IPO9: variants seen among roughly 807,000 people sequenced by gnomAD.
IPO9 encodes importin-9.
IPO9 carries 28 observed loss-of-function variants against 128.6 expected under a neutral mutation model. The observed-to-expected ratio is 0.22, with a 90% confidence interval of 0.16 to 0.30. The LOEUF is 0.30. IPO9 is among the 10% of genes least tolerant of loss of function. The pLI is 1.00. For synonymous variants in IPO9, 455 were observed against 475.8 expected (o/e 0.96, Z 0.57); for missense variants, 935 against 1,293.9 (o/e 0.72, Z 4.26).
In IPO9 at chr1:201,881,824, C is replaced by G. The variant is rs1303719116; in HGVS notation, c.*5770C>G. ...GCTACAGCAGTCCAGGTGGGAAAAC[C>G]CAGAGCCTGAACTAAGGTTGTAACT... On this transcript the variant is annotated 3_prime_UTR_variant, in exon 24 of 24. Coordinates refer to ENST00000361565, the MANE Select transcript of IPO9 (RefSeq NM_018085.5). The G allele has an allele frequency of 6.6e-6, 1 of 152,176 alleles. No individual in the cohort carries two copies. Among genetic ancestry groups the G allele is most frequent in the African/African-American group, 2.4e-5 (1 of 41,408 alleles). The allele number at this position is 152,176 out of a possible 1,614,324, so 9.4% of individuals were successfully genotyped here.
intron 11 of IPO9, among the ~76,000 whole-genome samples, chr1:201,857,605 G>A (rs1381188370): frequency 6.6e-6 from 1 of 152,122 alleles, no homozygotes; most frequent in Non-Finnish European, 1.5e-5. Context: ...AGACTAGCCT[G>A]ACCAACATGG....
intron 1 of IPO9, among the ~76,000 whole-genome samples, chr1:201,832,832 C>G (rs1558214275): frequency 1.3e-5 from 2 of 152,166 alleles, no homozygotes; most frequent in Non-Finnish European, 2.9e-5. Flanking sequence ...CCTTGGCTAC[C>G]AGGTGATGAT....
Position 201,870,280 on chromosome 1 carries a change from A to G in IPO9, c.2134-303A>G, listed in dbSNP as rs1680622936. 6.6e-6 allele frequency among the ~76,000 whole-genome samples: 1 copy of G among 152,224 alleles called. No individual in the cohort carries two copies. The highest frequency in any genetic ancestry group is 1.5e-5 in the Non-Finnish European group (1 of 68,038). On this transcript the variant is annotated intron_variant, in intron 17 of 23. Transcript: ENST00000361565. This position sits in a 1 kb window ranked among gnomAD's most constrained non-coding sequence, Gnocchi z 4.9. Reference sequence around the variant, plus strand: ...TCCAAGATTGTAAGCATATTTTTTTAGTACCAGAGGTAGACCTTTATGATT... The same window carrying G: ...TCCAAGATTGTAAGCATATTTTTTTGGTACCAGAGGTAGACCTTTATGATT...
rs747275177 is a variant in IPO9, at chr1:201,855,780, C to T, written c.971-3C>T. 1.9e-6 allele frequency: 3 copies of T among 1,605,934 alleles called. No homozygotes were observed. The highest frequency in any genetic ancestry group is 1.3e-5 in the African/African-American group (1 of 74,398). On this transcript the variant is annotated splice_polypyrimidine_tract_variant and splice_region_variant and intron_variant, in intron 9 of 23. Coordinates refer to ENST00000361565, the MANE Select transcript of IPO9 (RefSeq NM_018085.5). ...AATTTCTTCTCTTCTGTATTTCCTG[C>T]AGGTGAAGTCCTGGGCTTTGAAAAT...
chr1:201,829,360 G>T lies in IPO9; in HGVS notation c.151G>T (p.Glu51Ter). ...TGCTGAAGAACAGATTAAGGTGCTG[G>T]AGGTGACGGAGGGTGAGTGAGGCGG... is the stretch of plus-strand genomic sequence containing the variant. ...AAAEEQIKVL[E>*]VTEEFGVHLA... The change falls in exon 1 of 24, where the codon GAG (glutamate) becomes TAG (stop). Residue 51 changes from glutamate to a stop codon, truncating the protein, a stop_gained. Transcript: ENST00000361565. LOFTEE classifies it high-confidence loss of function. 1 of 1,574,976 alleles carries T rather than the reference G, an allele frequency of 6.3e-7. No individual in the cohort carries two copies. The highest frequency in any genetic ancestry group is 2.4e-5 in the East Asian group (1 of 42,234).
At position 201,876,357 on chromosome 1, in the gene IPO9, A is replaced by T; in HGVS notation, c.*303A>T. 2 of 483,830 alleles carry T rather than the reference A, an allele frequency of 4.1e-6. No homozygotes were observed. Among genetic ancestry groups the T allele is most frequent in the Non-Finnish European group, 7.6e-6 (2 of 261,746 alleles). 30.0% of individuals were successfully genotyped at this position (483,830 alleles called of 1,614,324 possible). ...GCCCTCTGCTGGCGAGTCCAGAAAC[A>T]TTATTGCCCAGAAGGATTATGTGTT... On this transcript the variant is annotated 3_prime_UTR_variant, in exon 24 of 24. Transcript: ENST00000361565.
rs1393825753 is a variant in IPO9 at position 201,877,255 on chromosome 1, CT to C, written c.*1204del. On this transcript the variant is annotated 3_prime_UTR_variant, in exon 24 of 24. Coordinates refer to ENST00000361565, the MANE Select transcript of IPO9 (RefSeq NM_018085.5). ...GTGGCTAACGCCTGTAATCCTAGCACTTTGGGAGGCTGAGATGGGCGGATCA... is the reference window on the plus strand; with the variant it reads ...GTGGCTAACGCCTGTAATCCTAGCACTTGGGAGGCTGAGATGGGCGGATCA... 1 of 152,102 alleles carries C rather than the reference CT, an allele frequency of 6.6e-6. No homozygotes were observed. The highest frequency in any genetic ancestry group is 1.9e-4 in the East Asian group (1 of 5,188). The allele number at this position is 152,102 out of a possible 1,614,324, so 9.4% of individuals were successfully genotyped here.
chr1:201,855,230 G>A, intron 9 of IPO9, 48 bp downstream of exon 9: 2 of 1,251,322 alleles, frequency 1.6e-6, no homozygotes, highest in Admixed American at 1.8e-5. Flanking sequence ...AGTGGGAAAA[G>A]AAAAAGAAGC....
intron 15 of IPO9, 117 bp downstream of exon 15, chr1:201,867,076 C>A: frequency 2.4e-6 from 2 of 818,180 alleles, no homozygotes; most frequent in East Asian, 2.6e-5. Flanking sequence ...GTTTTAACAT[C>A]GTAAGCAAAG....
At chr1:201,857,258 T>G in intron 11 of IPO9, 64 bp downstream of exon 11, 1 of 1,130,090 alleles carries the variant, frequency 8.8e-7, no homozygotes, top group Non-Finnish European at 1.3e-6. Context: ...TTCTTCTTTT[T>G]TGTAGACAAC....
Position 201,868,502 on chromosome 1 carries a change from G to A in IPO9, c.1856-146G>A, listed in dbSNP as rs1680595143. 4 of 708,434 alleles carry A rather than the reference G, an allele frequency of 5.6e-6. No homozygotes were observed. The South Asian group carries it at 9.3e-5, about 16-fold the overall frequency. 43.9% of individuals were successfully genotyped at this position (708,434 alleles called of 1,614,324 possible). ...TCTCCTGTTCTTTCAGGTTATTCAT[G>A]TGGCCCCACTAGGTCCCGGGTATGT... On this transcript the variant is annotated intron_variant, in intron 15 of 23. Transcript: ENST00000361565.
In IPO9 at chr1:201,847,258, C is replaced by T. The variant is rs748562778; in HGVS notation, c.164-21C>T. On this transcript the variant is annotated intron_variant, in intron 1 of 23. Coordinates refer to ENST00000361565, the MANE Select transcript of IPO9 (RefSeq NM_018085.5). ...TGGCTTTCCTAGGTACTCTTAGACT[C>T]AATAAAATTTTCTCTTTCAGAATTT... The T allele has an allele frequency of 1.9e-6, 3 of 1,599,886 alleles. No individual in the cohort carries two copies. In the South Asian group the frequency reaches 3.3e-5, roughly 18 times the overall value.
At chr1:201,848,301 C>A in intron 3 of IPO9, 92 bp from the exon 4 acceptor site, 1 of 1,054,018 alleles carries the variant, frequency 9.5e-7, no homozygotes, top group Non-Finnish European at 1.5e-6. Flanking sequence ...ACCTTGTACT[C>A]ATTGTTTTTC....
intron 20 of IPO9, 139 bp from the exon 21 acceptor site, chr1:201,874,111 T>C: frequency 8.5e-6 from 7 of 825,884 alleles, no homozygotes; most frequent in Non-Finnish European, 1.2e-5. Context: ...AGTCACTCTT[T>C]GGAGACTGGA....
rs1443775787 is a variant in IPO9, at chr1:201,884,160, T to C, written c.*8106T>C. The C allele has an allele frequency of 6.6e-6, 1 of 152,260 alleles. No homozygotes were observed. Among genetic ancestry groups the C allele is most frequent in the Non-Finnish European group, 1.5e-5 (1 of 68,036 alleles). The allele number at this position is 152,260 out of a possible 1,614,324, so 9.4% of individuals were successfully genotyped here. Reference sequence around the variant, plus strand: ...TGGATTTGAACCCTGGCTTTGCCACTTGCCTGTTGGGTGACTTTGGACAAG... The same window carrying C: ...TGGATTTGAACCCTGGCTTTGCCACCTGCCTGTTGGGTGACTTTGGACAAG... On this transcript the variant is annotated 3_prime_UTR_variant, in exon 24 of 24. Coordinates refer to ENST00000361565, the MANE Select transcript of IPO9 (RefSeq NM_018085.5).
rs201084995 is a variant in IPO9 at position 201,865,199 on chromosome 1, C to CTTTTTTT, written c.1629-1522_1629-1516dup. Among the ~76,000 whole-genome samples the CTTTTTTT allele has an allele frequency of 1.6e-3, 211 of 132,776 alleles. 1 individual carries two copies. The highest frequency in any genetic ancestry group is 8.1e-3 in the Middle Eastern group (2 of 246). 87.1% of individuals were successfully genotyped at this position (132,776 alleles called of 152,430 possible). On this transcript the variant is annotated intron_variant, in intron 14 of 23. Transcript: ENST00000361565. ...GTGTCACACTATTGGAACTATTTTT[C>CTTTTTTT]TTTTTTTTTTTTTTTTTTCTTTTCT...
chr1:201,881,712 G>A lies in IPO9; in HGVS notation c.*5658G>A, dbSNP rs1680885996. 1 of 152,226 alleles carries A rather than the reference G, an allele frequency of 6.6e-6. No individual in the cohort carries two copies. The highest frequency in any genetic ancestry group is 2.1e-4 in the South Asian group (1 of 4,828). 9.4% of individuals were successfully genotyped at this position (152,226 alleles called of 1,614,324 possible). A position where few individuals can be genotyped will look rare whatever the true frequency, so the allele number is the denominator to read the frequency against. On this transcript the variant is annotated 3_prime_UTR_variant, in exon 24 of 24. Coordinates refer to ENST00000361565, the MANE Select transcript of IPO9 (RefSeq NM_018085.5). ...TTTTGTGTCTTAGAAAAGTGTTGCAGTGTTGATGCAAATGTGACTAGAAGG... is the reference window on the plus strand; with the variant it reads ...TTTTGTGTCTTAGAAAAGTGTTGCAATGTTGATGCAAATGTGACTAGAAGG...
chr1:201,856,703 T>C lies in IPO9; in HGVS notation c.1123-393T>C, dbSNP rs1680334525. Among the ~76,000 whole-genome samples the C allele has an allele frequency of 2.0e-5, 3 of 152,322 alleles. No homozygotes were observed. The South Asian group carries it at 6.2e-4, about 32-fold the overall frequency. On this transcript the variant is annotated intron_variant, in intron 10 of 23. Transcript: ENST00000361565. ...GTTGTTGTTTTGTTTTGTTTGCTTT[T>C]TGGGACAGGGTCTTGCTGTTTTGCT...
At position 201,858,541 on chromosome 1, in the gene IPO9, G is replaced by A. The variant is rs781090207; in HGVS notation, c.1316G>A (p.Gly439Asp). Reference protein sequence around the residue: ...LQEAEQTKNSGTEHWWKIHEA... With the variant: ...LQEAEQTKNSDTEHWWKIHEA... Reference sequence around the variant, plus strand: ...GAAGCTGAGCAAACCAAAAACAGTGGCACTGAGCACTGGTAAGAGTGAGCC... The same window carrying A: ...GAAGCTGAGCAAACCAAAAACAGTGACACTGAGCACTGGTAAGAGTGAGCC... Residue 439 changes from glycine (G) to aspartate (D), a missense_variant, in exon 12 of 24, where the codon GGC becomes GAC. Gly to Asp is a moderately conservative substitution (Grantham distance 94). Around this residue, in one of 3 missense-constraint regions of IPO9, gnomAD observed 741 missense variants for 1,019.1 expected, o/e 0.73. Transcript: ENST00000361565. 2.5e-6 allele frequency: 4 copies of A among 1,576,050 alleles called. No homozygotes were observed. The highest frequency in any genetic ancestry group is 1.2e-5 in the South Asian group (1 of 86,560).
Sources: allele counts gnomAD v4.1 joint callset (sites outside exome capture counted in the v4.1 genomes callset), GRCh38; gene constraint gnomAD v4.1.1; regional missense constraint gnomAD v4.1.1; non-coding constraint Gnocchi (gnomAD v3.1); transcripts MANE v1.5; gene names NCBI Gene and HGNC (gene_info 2026-07-23, HGNC 2026-07-21).